The following ANO2 variants were observed in gnomAD, a reference collection of about 807,000 sequenced individuals.
ANO2 encodes the protein anoctamin-2.
Under a neutral mutation model 124.2 loss-of-function variants are expected in ANO2, and 101 were observed. That is an observed-to-expected ratio of 0.81 (90% confidence interval 0.69 to 0.96). ANO2 has a LOEUF of 0.96. ANO2 is among the 40% of genes least tolerant of loss of function. The pLI is 0.00. For missense variants in ANO2, 1,293 were observed against 1,274.5 expected (o/e 1.01, Z -0.22); for synonymous variants, 486 against 482.5 (o/e 1.01, Z -0.09).
intron 1 of ANO2, among the ~76,000 whole-genome samples, chr12:5,930,017 T>C (rs1451155060): frequency 7.8e-6 from 1 of 128,608 alleles, no homozygotes; most frequent in Non-Finnish European, 1.7e-5. Flanking sequence ...CTCGTCTACC[T>C]TCTTTCCTTA....
At chr12:5,700,261 A>G (rs1949349291) in intron 14 of ANO2, among the ~76,000 whole-genome samples, 1 of 152,252 alleles carries the variant, frequency 6.6e-6, no homozygotes, top group Non-Finnish European at 1.5e-5. Flanking sequence ...CAGTGCAATC[A>G]AACTAGAACT....
intron 7 of ANO2, among the ~76,000 whole-genome samples, chr12:5,822,367 G>A (rs762669270): frequency 8.5e-5 from 13 of 152,198 alleles, no homozygotes; most frequent in Non-Finnish European, 1.3e-4. Flanking sequence ...TCACCAGCGG[G>A]TGACCTCAGC....
intron 16 of ANO2, among the ~76,000 whole-genome samples, chr12:5,625,205 G>A (rs1054614052): frequency 7.2e-5 from 11 of 152,082 alleles, no homozygotes; most frequent in Middle Eastern, 3.2e-3. Flanking sequence ...GGGGGAGTGC[G>A]GCACAGAGAC....
chr12:5,563,753 C>T (rs1320642766), intron 24 of ANO2, among the ~76,000 whole-genome samples, 185 bp from the exon 25 acceptor site: 1 of 152,220 alleles, frequency 6.6e-6, no homozygotes, highest in Admixed American at 6.5e-5. Flanking sequence ...ACACTGCCTA[C>T]CCTGGAGTGG....
chr12:5,623,337 G>A (rs969813577), intron 16 of ANO2, among the ~76,000 whole-genome samples: 1 of 152,126 alleles, frequency 6.6e-6, no homozygotes, highest in African/African-American at 2.4e-5. Flanking sequence ...AGGTTGATTA[G>A]AGGCCATCTG....
At chr12:5,775,001 T>C (rs148268402) in intron 10 of ANO2, among the ~76,000 whole-genome samples, 248 of 152,296 alleles carry the variant, frequency 1.6e-3, no homozygotes, top group African/African-American at 5.7e-3. Flanking sequence ...ACGTAGATGG[T>C]TTAATCCCCA....
intron 15 of ANO2, among the ~76,000 whole-genome samples, chr12:5,637,400 TA>T (rs1946081142): frequency 1.3e-5 from 2 of 151,522 alleles, no homozygotes; most frequent in African/African-American, 4.9e-5. Context: ...GGAGACGGAC[TA>T]GGGGAAAAAA....
intron 23 of ANO2, among the ~76,000 whole-genome samples, chr12:5,565,869 C>A (rs1941720750): frequency 6.6e-6 from 1 of 152,156 alleles, no homozygotes; most frequent in South Asian, 2.1e-4. Context: ...CCAATGTCAG[C>A]CTAGAAATGT....
chr12:5,924,597 G>A (rs950911365), intron 1 of ANO2, among the ~76,000 whole-genome samples: 9 of 152,222 alleles, frequency 5.9e-5, no homozygotes, highest in African/African-American at 1.9e-4. Context: ...ATATTAAGCC[G>A]AAAGCTGAGT....
chr12:5,728,764 G>A (rs776726171), intron 14 of ANO2, among the ~76,000 whole-genome samples: 3 of 152,152 alleles, frequency 2.0e-5, no homozygotes, highest in Non-Finnish European at 4.4e-5. Context: ...CAGCAGTCAA[G>A]ATAGGGTGGT....
At chr12:5,799,449 A>T in intron 10 of ANO2, 58 bp downstream of exon 10, 1 of 1,437,016 alleles carries the variant, frequency 7.0e-7, no homozygotes, top group Non-Finnish European at 9.8e-7. Context: ...GGTTTATGAT[A>T]CATCTTTCAG....
At position 5,921,120 on chromosome 12, in the gene ANO2, C is replaced by G; in HGVS notation, c.454G>C (p.Glu152Gln). The G allele has an allele frequency of 6.2e-7, 1 of 1,613,972 alleles. No homozygotes were observed. The highest frequency in any genetic ancestry group is 8.5e-7 in the Non-Finnish European group (1 of 1,179,880). ...TCCCGCTGCTCCTTCCTCTCCTCCT[C>G]CAGGGCATCGAGCGGTCCCAGCTCA... ...DIELGPLDAL[E>Q]EERKEQREEF... The change falls in exon 3 of 25, where the codon GAG becomes CAG. Residue 152 changes from glutamate to glutamine, a missense_variant. By Grantham distance (29) the Glu-to-Gln change is conservative (BLOSUM62 2). Coordinates refer to ENST00000682330, the MANE Select transcript of ANO2 (RefSeq NM_001364791.2).
At position 5,833,987 on chromosome 12, in the gene ANO2, C is replaced by T. The variant is rs151270797; in HGVS notation, c.634-1384G>A. Among the ~76,000 whole-genome samples the T allele has an allele frequency of 5.5e-3, 838 of 152,136 alleles. 2 individuals carry two copies. Among genetic ancestry groups the T allele is most frequent in the Admixed American group, 8.1e-3 (123 of 15,270 alleles). ...AGTCTACGGAGGCGTCCTGAGAGTA[C>T]CCAGTAAGGGAAAGGCACTCAGCTG... On this transcript the variant is annotated intron_variant, in intron 4 of 24. Transcript: ENST00000682330.
chr12:5,747,601 T>C (rs1428006038), intron 11 of ANO2, among the ~76,000 whole-genome samples: 1 of 152,190 alleles, frequency 6.6e-6, no homozygotes, highest in East Asian at 1.9e-4. Flanking sequence ...ATTTTAAACG[T>C]TTTTGACTGT....
chr12:5,848,708 T>G lies in ANO2; in HGVS notation c.633+5335A>C, dbSNP rs144635048. On this transcript the variant is annotated intron_variant, in intron 4 of 24. Transcript: ENST00000682330. ...CTAGGAAGTGGAAGTCCCCAGCACATAGTCCAAAGGCCATCTGTTCCTGCA... is the reference window on the plus strand; with the variant it reads ...CTAGGAAGTGGAAGTCCCCAGCACAGAGTCCAAAGGCCATCTGTTCCTGCA... Among the ~76,000 whole-genome samples, 4 of 152,298 alleles carry G rather than the reference T, an allele frequency of 2.6e-5. No individual in the cohort carries two copies. In the East Asian group the frequency reaches 7.7e-4, roughly 29 times the overall value.
chr12:5,608,144 C>T (rs1328409079), intron 19 of ANO2, among the ~76,000 whole-genome samples: 3 of 151,888 alleles, frequency 2.0e-5, no homozygotes, highest in Non-Finnish European at 4.4e-5. Context: ...CACTGGCAGG[C>T]TCAATCATCA....
intron 16 of ANO2, among the ~76,000 whole-genome samples, chr12:5,624,211 A>G (rs1165351790): frequency 1.3e-5 from 2 of 151,834 alleles, no homozygotes; most frequent in East Asian, 1.9e-4. Context: ...CCTTTTAAGA[A>G]AAAAGGGACC....
chr12:5,837,109 C>A (rs577742459), intron 4 of ANO2, among the ~76,000 whole-genome samples: 1 of 152,188 alleles, frequency 6.6e-6, no homozygotes, highest in South Asian at 2.1e-4. Flanking sequence ...AGAAATAAAC[C>A]AGGCTAGAGG....
chr12:5,707,527 G>C (rs1359619323), intron 14 of ANO2, among the ~76,000 whole-genome samples: 1 of 152,088 alleles, frequency 6.6e-6, no homozygotes, highest in East Asian at 1.9e-4. Flanking sequence ...GAAGTTCAGA[G>C]GACTCAAGGT....
Sources: gnomAD v4.1 joint callset for allele counts (sites outside exome capture counted in the v4.1 genomes callset) on GRCh38, gnomAD v4.1.1 for gene constraint, MANE v1.5 for transcripts, NCBI Gene and HGNC (gene_info 2026-07-23, HGNC 2026-07-21) for gene names.